The following TENM2 variants were observed in gnomAD, a reference collection of about 807,000 sequenced individuals.
The protein encoded by TENM2 is teneurin-2.
TENM2 carries 52 observed loss-of-function variants against 245.2 expected under a neutral mutation model. The ratio of observed to expected loss-of-function variants is 0.21; its 90% CI spans 0.17 to 0.27. TENM2 has a LOEUF of 0.27. Ranked by LOEUF, TENM2 falls within the 10% of genes least tolerant of loss-of-function variation. The probability of loss-of-function intolerance (pLI) is 1.00; values close to 1 mark genes in which losing one functional copy is unlikely to be tolerated. For missense variants in TENM2, 3,046 were observed against 3,666.8 expected (o/e 0.83, Z 4.37); for synonymous variants, 1,363 against 1,438.9 (o/e 0.95, Z 1.19).
intron 2 of TENM2, among the ~76,000 whole-genome samples, chr5:167,800,040 T>C (rs946060928): frequency 1.3e-5 from 2 of 152,208 alleles, no homozygotes; most frequent in Non-Finnish European, 2.9e-5. Context: ...CCACCCAGTG[T>C]TGTATGTAGA....
intron 5 of TENM2, among the ~76,000 whole-genome samples, chr5:168,046,412 T>C (rs114582407): frequency 8.5e-4 from 129 of 152,254 alleles, no homozygotes; most frequent in African/African-American, 2.6e-3. Context: ...GGGAATAAAT[T>C]CCTTACTTAT....
At chr5:167,835,763 A>G (rs543049810) in intron 2 of TENM2, among the ~76,000 whole-genome samples, 120 of 152,354 alleles carry the variant, frequency 7.9e-4, no homozygotes, top group Middle Eastern at 3.4e-3. Context: ...TAAACATGGC[A>G]GAAGCAGCAA....
Position 168,218,887 on chromosome 5 carries a change from G to A in TENM2, c.4996G>A (p.Gly1666Ser), listed in dbSNP as rs749195329. The A allele has an allele frequency of 1.2e-6, 2 of 1,613,850 alleles. No homozygotes were observed. The highest frequency in any genetic ancestry group is 3.3e-5 in the Admixed American group (2 of 60,000). The stretch of plus-strand genomic sequence containing the variant: ...CACCCTCACCGTGGGCACCAATGGA[G>A]GCCTCAAAGTCGTGTCCACACAGAA... Residue 1666 changes from glycine (G) to serine (S), a missense_variant, in exon 23 of 29, where the codon GGC (glycine) becomes AGC (serine). Gly to Ser is a moderately conservative substitution (Grantham distance 56, BLOSUM62 0). Coordinates refer to ENST00000518659, the Ensembl canonical transcript of TENM2. This position sits in a 1 kb window ranked among gnomAD's most constrained non-coding sequence, Gnocchi z 5.2.
At chr5:167,976,433 G>A (rs1782452227) in intron 4 of TENM2, among the ~76,000 whole-genome samples, 1 of 152,174 alleles carries the variant, frequency 6.6e-6, no homozygotes, top group Admixed American at 6.5e-5. Context: ...TATTAGGTTT[G>A]TGAAGACCTG....
rs960055041 is a variant in TENM2, at chr5:167,657,567, T to C, written c.503-218419T>C. Among the ~76,000 whole-genome samples the C allele has an allele frequency of 2.6e-5, 4 of 152,230 alleles. 1 individual carries two copies. The highest frequency in any genetic ancestry group is 4.4e-5 in the Non-Finnish European group (3 of 68,036). ...TTTTTTAGTAATCTCCATACTGTCC[T>C]TCACAGTGGCTATTGAAGCATAAAG... On this transcript the variant is annotated intron_variant, in intron 2 of 28. Transcript: ENST00000518659.
rs116264057 is a variant in TENM2 at position 167,934,496 on chromosome 5, A to T, written c.713-18092A>T. ...GACATCCCCATTTGTCGTCACCTTT[A>T]AAAGCAAGTACTTGAAAGGGTCTGT... On this transcript the variant is annotated intron_variant, in intron 3 of 28. Coordinates refer to ENST00000518659, the Ensembl canonical transcript of TENM2. Among the ~76,000 whole-genome samples the T allele has an allele frequency of 7.1e-3, 1,082 of 152,290 alleles. 4 individuals are homozygous for T. Among genetic ancestry groups the T allele is most frequent in the Non-Finnish European group, 0.012 (799 of 68,022 alleles).
the TENM2 span, among the ~76,000 whole-genome samples, chr5:167,197,241 A>G: frequency 6.6e-6 from 1 of 152,108 alleles, no homozygotes. Context: ...CAGGGTTCAA[A>G]CCCACAGCTG....
intron 2 of TENM2, among the ~76,000 whole-genome samples, chr5:167,547,909 G>A (rs115141491): frequency 1.3e-5 from 2 of 152,158 alleles, no homozygotes; most frequent in Non-Finnish European, 2.9e-5. Flanking sequence ...CATCTATTAA[G>A]ATCATTTACA....
intron 5 of TENM2, chr5:168,033,308 G>C (rs1787298075): frequency 6.6e-6 from 1 of 152,178 alleles, no homozygotes; most frequent in South Asian, 2.1e-4. Context: ...TATGGTTAAG[G>C]AAGCACTAGA....
At chr5:167,425,751 G>A (rs1763774658) in intron 2 of TENM2, among the ~76,000 whole-genome samples, 1 of 152,004 alleles carries the variant, frequency 6.6e-6, no homozygotes, top group African/African-American at 2.4e-5. Flanking sequence ...TGCTGCTGCT[G>A]CTGCTGCTGC....
the TENM2 span, among the ~76,000 whole-genome samples, chr5:167,049,097 T>C: frequency 6.6e-6 from 1 of 152,172 alleles, no homozygotes; most frequent in Non-Finnish European, 1.5e-5. Context: ...GATAAATGCA[T>C]GGTTATTTCA....
chr5:167,833,119 C>A (rs1768657155), intron 2 of TENM2, among the ~76,000 whole-genome samples: 1 of 152,062 alleles, frequency 6.6e-6, no homozygotes, highest in African/African-American at 2.4e-5. Flanking sequence ...GAATGGGAAA[C>A]AAGACATTTT....
At chr5:168,161,455 C>T (rs1581493884) in intron 12 of TENM2, among the ~76,000 whole-genome samples, 1 of 152,144 alleles carries the variant, frequency 6.6e-6, no homozygotes, top group Non-Finnish European at 1.5e-5. Flanking sequence ...TAGAAGTCAT[C>T]GCATTGTACA....
intron 2 of TENM2, among the ~76,000 whole-genome samples, chr5:167,872,091 G>A (rs1161398295): frequency 2.0e-5 from 3 of 151,812 alleles, no homozygotes; most frequent in Admixed American, 6.6e-5. Flanking sequence ...TCAGGAGTTC[G>A]AGACCAGCCT....
At chr5:167,272,343 C>T in the TENM2 span, among the ~76,000 whole-genome samples, 3 of 152,084 alleles carry the variant, frequency 2.0e-5, no homozygotes, top group South Asian at 2.1e-4. Flanking sequence ...ATAAAGGCAC[C>T]GTGCATTATC....
the TENM2 span, among the ~76,000 whole-genome samples, chr5:167,274,171 C>G: frequency 6.6e-6 from 1 of 152,124 alleles, no homozygotes. Flanking sequence ...TCATACCCTT[C>G]TTAACCCTGA....
In TENM2 at chr5:167,783,869, C is replaced by T. The variant is rs138727606; in HGVS notation, c.503-92117C>T. Among the ~76,000 whole-genome samples the T allele has an allele frequency of 6.9e-4, 105 of 152,078 alleles. 1 individual carries two copies. The East Asian group carries it at 0.018, about 27-fold the overall frequency. ...CACCCCAAGGTGGCAAGAAGTCCCC[C>T]GGGGGGACTTGACCAGGGCCTTGGT... On this transcript the variant is annotated intron_variant, in intron 2 of 28. Transcript: ENST00000518659.
intron 5 of TENM2, among the ~76,000 whole-genome samples, chr5:167,994,811 CT>C (rs1783931651): frequency 6.6e-6 from 1 of 152,146 alleles, no homozygotes; most frequent in African/African-American, 2.4e-5. Context: ...TCACTTACCT[CT>C]TGATGAAGGA....
intron 2 of TENM2, among the ~76,000 whole-genome samples, chr5:167,784,104 G>A (rs1764398135): frequency 6.6e-6 from 1 of 152,296 alleles, no homozygotes; most frequent in Admixed American, 6.5e-5. Context: ...AATGGACAGG[G>A]ACCCAGCAGT....
Sources: gnomAD v4.1 joint callset for allele counts (sites outside exome capture counted in the v4.1 genomes callset) on GRCh38, gnomAD v4.1.1 for gene constraint, Gnocchi (gnomAD v3.1) non-coding constraint, MANE v1.5 for transcripts, NCBI Gene and HGNC (gene_info 2026-07-23, HGNC 2026-07-21) for gene names.